CHRD: variants seen among roughly 807,000 people sequenced by gnomAD.
CHRD encodes chordin.
Under a neutral mutation model 113.7 loss-of-function variants are expected in CHRD, and 69 were observed. The ratio of observed to expected loss-of-function variants is 0.61; its 90% CI spans 0.50 to 0.74. The LOEUF (loss-of-function observed/expected upper bound fraction) is 0.74. Among genes scored for constraint, CHRD ranks in the 30% least tolerant of loss-of-function variants. The pLI, the probability that CHRD is intolerant of heterozygous loss-of-function variation, is 0.00. For missense variants in CHRD, 1,194 were observed against 1,295.8 expected (o/e 0.92, Z 1.21); for synonymous variants, 561 against 540.8 (o/e 1.04, Z -0.52).
Position 184,388,245 on chromosome 3 carries a change from A to ATCCATCCATCCATCCATCCATCCATCCG in CHRD, c.2554+239_2554+240insGTCCATCCATCCATCCATCCATCCATCC, listed in dbSNP as rs1716640794. On this transcript the variant is annotated intron_variant, in intron 20 of 22. Transcript: ENST00000204604. The surrounding 1 kb of genome is among the most constrained non-coding windows in gnomAD (Gnocchi z 6.1). ...TCCTGCTCCATCCATCCGTCCATCC[A>ATCCATCCATCCATCCATCCATCCATCCG]TCCATCCATCCATCCATCCATCCAT... Among the ~76,000 whole-genome samples the ATCCATCCATCCATCCATCCATCCATCCG allele has an allele frequency of 8.2e-6, 1 of 121,302 alleles. No individual in the cohort carries two copies. Among genetic ancestry groups the ATCCATCCATCCATCCATCCATCCATCCG allele is most frequent in the African/African-American group, 3.0e-5 (1 of 32,808 alleles). The allele number at this position is 121,302 out of a possible 152,430, so 79.6% of individuals were successfully genotyped here.
Position 184,380,696 on chromosome 3 carries a change from C to A in CHRD, c.153C>A (p.Cys51Ter). ...CAGCCAAGCCCGTCCCCGCAGGCTG[C>A]ACCTTCGGCGGGAAGGTCTATGCCT... The change falls in exon 2 of 23, where the codon TGC (cysteine) becomes TGA (stop). Residue 51 changes from cysteine to a stop codon, truncating the protein, a stop_gained. Coordinates refer to ENST00000204604, the Ensembl canonical transcript of CHRD. LOFTEE classifies it high-confidence loss of function. This position sits in a 1 kb window ranked among gnomAD's most constrained non-coding sequence, Gnocchi z 6.3. 1.3e-6 allele frequency: 2 copies of A among 1,585,846 alleles called. No individual in the cohort carries two copies. The highest frequency in any genetic ancestry group is 1.7e-6 in the Non-Finnish European group (2 of 1,172,374).
chr3:184,386,274 C>A, intron 15 of CHRD, 115 bp downstream of exon 15: 2 of 1,265,314 alleles, frequency 1.6e-6, no homozygotes, highest in Non-Finnish European at 2.2e-6. Flanking sequence ...GGTCGTATCA[C>A]AGCGCCCCCC....
chr3:184,381,653 G>C lies in CHRD; in HGVS notation c.511+29G>C, dbSNP rs1461381308. 6.2e-6 allele frequency: 10 copies of C among 1,604,848 alleles called. No individual in the cohort carries two copies. The highest frequency in any genetic ancestry group is 5.1e-5 in the Admixed American group (3 of 59,348). The stretch of plus-strand genomic sequence containing the variant: ...GGGGGCTGGCGAACAGCGGGGTTGT[G>C]GTTGAGGCTGGGCCACCAAAGCGGC... On this transcript the variant is annotated intron_variant, in intron 4 of 22. Transcript: ENST00000204604. The surrounding 1 kb of genome is among the most constrained non-coding windows in gnomAD (Gnocchi z 4.7).
Position 184,386,630 on chromosome 3 carries a change from G to A in CHRD, c.2071G>A (p.Ala691Thr), listed in dbSNP as rs758602549. 16 of 1,608,882 alleles carry A rather than the reference G, an allele frequency of 9.9e-6. No individual in the cohort carries two copies. Among genetic ancestry groups the A allele is most frequent in the East Asian group, 8.9e-5 (4 of 44,852 alleles). ...GCCTGGTCTCCCGGCCCTAGCGCCC[G>A]CCAAACCTGGTGGTCCTGGGCGGCC... Residue 691 changes from alanine (A) to threonine (T), a missense_variant, in exon 16 of 23, where the codon GCC (alanine) becomes ACC (threonine). By Grantham distance (58) the Ala-to-Thr change is moderately conservative (BLOSUM62 0). Coordinates refer to ENST00000204604, the Ensembl canonical transcript of CHRD.
At chr3:184,389,477 G>C in exon 23 of CHRD, 1 of 1,533,596 alleles carries the variant, frequency 6.5e-7, no homozygotes, top group Non-Finnish European at 9.0e-7. Context: ...TGGGGAAGGG[G>C]TGGCATCGAG....
Position 184,380,414 on chromosome 3 carries a change from C to G in CHRD, c.96C>G (p.Pro32=). 5.2e-6 allele frequency: 7 copies of G among 1,335,412 alleles called. No individual in the cohort carries two copies. Among genetic ancestry groups the G allele is most frequent in the South Asian group, 1.5e-5 (1 of 65,542 alleles). 82.7% of individuals were successfully genotyped at this position (1,335,412 alleles called of 1,614,324 possible). The change falls in exon 1 of 23, where the codon CCC becomes CCG. Residue 32 remains proline, a synonymous_variant. Transcript: ENST00000204604. The surrounding 1 kb of genome is among the most constrained non-coding windows in gnomAD (Gnocchi z 6.3). ...CCCGCGGCGCCGGCCCAGAGCCCCCCGTGCTGCCCATCCGTTCTGAGAAGG... is the reference window on the plus strand; with the variant it reads ...CCCGCGGCGCCGGCCCAGAGCCCCCGGTGCTGCCCATCCGTTCTGAGAAGG...
rs1251623870 is a variant in CHRD at position 184,380,322 on chromosome 3, C to T, written c.4C>T (p.Pro2Ser). The T allele has an allele frequency of 1.5e-6, 2 of 1,309,256 alleles. No homozygotes were observed. Among genetic ancestry groups the T allele is most frequent in the Non-Finnish European group, 9.8e-7 (1 of 1,016,312 alleles). The allele number at this position is 1,309,256 out of a possible 1,614,324, so 81.1% of individuals were successfully genotyped here. Reference sequence around the variant, plus strand: ...CCCCAGCTGTCCCGTTCGCGTCATGCCGAGCCTCCCGGCCCCGCCGGCCCC... The same window carrying T: ...CCCCAGCTGTCCCGTTCGCGTCATGTCGAGCCTCCCGGCCCCGCCGGCCCC... Residue 2 changes from proline (P) to serine (S), a missense_variant, in exon 1 of 23, where the codon CCG becomes TCG. Pro to Ser is a moderately conservative substitution (Grantham distance 74). Coordinates refer to ENST00000204604, the Ensembl canonical transcript of CHRD. This position sits in a 1 kb window ranked among gnomAD's most constrained non-coding sequence, Gnocchi z 6.3.
At chr3:184,383,078 G>C in exon 10 of CHRD, 1 of 1,611,228 alleles carries the variant, frequency 6.2e-7, no homozygotes, top group Non-Finnish European at 8.5e-7. Flanking sequence ...GGCTGGTGCT[G>C]GGGGAGCTGC....
chr3:184,385,614 C>T (rs556713183), intron 14 of CHRD, among the ~76,000 whole-genome samples: 20 of 134,928 alleles, frequency 1.5e-4, no homozygotes, highest in African/African-American at 5.7e-4. Context: ...TGCAGTGAGC[C>T]GAGATGGCGC....
rs1715159386 is a variant in CHRD at position 184,380,580 on chromosome 3, G to A, written c.149-112G>A. On this transcript the variant is annotated intron_variant, in intron 1 of 22. Transcript: ENST00000204604. This position sits in a 1 kb window ranked among gnomAD's most constrained non-coding sequence, Gnocchi z 6.3. ...CTCGGCGCGGCGGGCGGCCCGGAGG[G>A]TGGGCGGGGGCAGAAGGGCGCGGTG... is the stretch of plus-strand genomic sequence containing the variant. The A allele has an allele frequency of 1.9e-6, 2 of 1,043,598 alleles. No individual in the cohort carries two copies. Among genetic ancestry groups the A allele is most frequent in the Non-Finnish European group, 2.4e-6 (2 of 832,814 alleles). The allele number at this position is 1,043,598 out of a possible 1,614,324, so 64.6% of individuals were successfully genotyped here. A position where few individuals can be genotyped will look rare whatever the true frequency, so the allele number is the denominator to read the frequency against.
Position 184,381,136 on chromosome 3 carries a change from T to C in CHRD, c.253-99T>C. 1.5e-6 allele frequency: 2 copies of C among 1,361,406 alleles called. No homozygotes were observed. Among genetic ancestry groups the C allele is most frequent in the Non-Finnish European group, 2.1e-6 (2 of 956,596 alleles). 84.3% of individuals were successfully genotyped at this position (1,361,406 alleles called of 1,614,324 possible). On this transcript the variant is annotated intron_variant, in intron 2 of 22. Transcript: ENST00000204604. This position sits in a 1 kb window ranked among gnomAD's most constrained non-coding sequence, Gnocchi z 4.7. ...TGTCTAGGGTCACGCAGCTTGTAAGTGGCAGAGCTGGCTGACTCTGCGGGA... is the reference window on the plus strand; with the variant it reads ...TGTCTAGGGTCACGCAGCTTGTAAGCGGCAGAGCTGGCTGACTCTGCGGGA...
In CHRD at chr3:184,386,601, TG is replaced by T; in HGVS notation, c.2044del (p.Val682CysfsTer7). On this transcript the variant is annotated frameshift_variant, in exon 16 of 23. Coordinates refer to ENST00000204604, the Ensembl canonical transcript of CHRD. LOFTEE classifies it high-confidence loss of function. ...GATACAGCCTCTGCTGCGCCGCCTGTGGTGCCTGGTCTCCCGGCCCTAGCGC... is the reference window on the plus strand; with the variant it reads ...GATACAGCCTCTGCTGCGCCGCCTGTGTGCCTGGTCTCCCGGCCCTAGCGC... The T allele has an allele frequency of 6.2e-7, 1 of 1,603,226 alleles. No homozygotes were observed. Among genetic ancestry groups the T allele is most frequent in the Middle Eastern group, 1.7e-4 (1 of 5,802 alleles).
exon 23 of CHRD, chr3:184,389,450 G>A (rs1227501198): frequency 4.4e-6 from 7 of 1,607,518 alleles, no homozygotes; most frequent in Non-Finnish European, 5.1e-6. Context: ...AAGTGACCAA[G>A]AGGATGGGGC....
Position 184,380,727 on chromosome 3 carries a change from G to A in CHRD, c.184G>A (p.Glu62Lys), listed in dbSNP as rs1368257272. The change falls in exon 2 of 23, where the codon GAG becomes AAG. Residue 62 changes from glutamate to lysine, a missense_variant. Glu to Lys is a moderately conservative substitution (Grantham distance 56). Coordinates refer to ENST00000204604, the Ensembl canonical transcript of CHRD. This position sits in a 1 kb window ranked among gnomAD's most constrained non-coding sequence, Gnocchi z 6.3. ...CGGCGGGAAGGTCTATGCCTTGGAC[G>A]AGACGTGGCACCCGGACCTAGGGGA... The A allele has an allele frequency of 1.9e-6, 3 of 1,599,150 alleles. No individual in the cohort carries two copies. In the Admixed American group the frequency reaches 5.1e-5, roughly 27 times the overall value.
At position 184,380,493 on chromosome 3, in the gene CHRD, G is replaced by A; in HGVS notation, c.148+27G>A. On this transcript the variant is annotated intron_variant, in intron 1 of 22. Transcript: ENST00000204604. This position sits in a 1 kb window ranked among gnomAD's most constrained non-coding sequence, Gnocchi z 6.3. ...TAGGTGGGCGCCCGGGGGAGGCGCG[G>A]GCGGGGAGTCGGGCTCGGGGCGAGT... 8.6e-7 allele frequency: 1 copy of A among 1,165,726 alleles called. No individual in the cohort carries two copies. Among genetic ancestry groups the A allele is most frequent in the Non-Finnish European group, 1.1e-6 (1 of 942,890 alleles). 72.2% of individuals were successfully genotyped at this position (1,165,726 alleles called of 1,614,324 possible).
Position 184,381,523 on chromosome 3 carries a change from G to C in CHRD, c.410G>C (p.Ser137Thr). 1 of 1,602,248 alleles carries C rather than the reference G, an allele frequency of 6.2e-7. No individual in the cohort carries two copies. The highest frequency in any genetic ancestry group is 8.5e-7 in the Non-Finnish European group (1 of 1,174,834). Residue 137 changes from serine (S) to threonine (T), a missense_variant, in exon 4 of 23, where the codon AGC becomes ACC. Ser to Thr is a moderately conservative substitution (Grantham distance 58). Transcript: ENST00000204604. This position sits in a 1 kb window ranked among gnomAD's most constrained non-coding sequence, Gnocchi z 4.7. ...CGCAGCAGTTCGGAGCGGCAGCCGA[G>C]CGGCCTGTCCTTCGAGTATCCGCGG...
rs1182949117 is a variant in CHRD at position 184,380,387 on chromosome 3, G to T, written c.69G>T (p.Pro23=). 7.5e-7 allele frequency: 1 copy of T among 1,339,826 alleles called. No homozygotes were observed. The highest frequency in any genetic ancestry group is 9.7e-7 in the Non-Finnish European group (1 of 1,035,988). The allele number at this position is 1,339,826 out of a possible 1,614,324, so 83.0% of individuals were successfully genotyped here. The change falls in exon 1 of 23, where the codon CCG becomes CCT. Residue 23 remains proline, a synonymous_variant. Transcript: ENST00000204604. This position sits in a 1 kb window ranked among gnomAD's most constrained non-coding sequence, Gnocchi z 6.3. The stretch of plus-strand genomic sequence containing the variant: ...GGCTGCTGCTGCTCGGCTCCCGGCC[G>T]GCCCGCGGCGCCGGCCCAGAGCCCC...
Position 184,388,878 on chromosome 3 carries a change from T to C in CHRD, c.2710-15T>C, listed in dbSNP as rs775347392. On this transcript the variant is annotated splice_polypyrimidine_tract_variant and intron_variant, in intron 21 of 22. Coordinates refer to ENST00000204604, the Ensembl canonical transcript of CHRD. The surrounding 1 kb of genome is among the most constrained non-coding windows in gnomAD (Gnocchi z 6.1). ...CCTCTGGGGGACACTCAGTGTCTGC[T>C]CTGTCTTGTACCAGGCAGGGGTGCC... The C allele has an allele frequency of 1.1e-5, 17 of 1,610,904 alleles. No homozygotes were observed. In the Admixed American group the frequency reaches 2.8e-4, roughly 27 times the overall value.
chr3:184,381,192 G>T lies in CHRD; in HGVS notation c.253-43G>T, dbSNP rs1362474942. On this transcript the variant is annotated intron_variant, in intron 2 of 22. Coordinates refer to ENST00000204604, the Ensembl canonical transcript of CHRD. This position sits in a 1 kb window ranked among gnomAD's most constrained non-coding sequence, Gnocchi z 4.7. ...TTGCCTGGGGGGGTCTCATCAGTTGGCATCTTGCACTCACTTGGGTTTCCC... is the reference window on the plus strand; with the variant it reads ...TTGCCTGGGGGGGTCTCATCAGTTGTCATCTTGCACTCACTTGGGTTTCCC... 1 of 1,610,630 alleles carries T rather than the reference G, an allele frequency of 6.2e-7. No homozygotes were observed. The highest frequency in any genetic ancestry group is 1.3e-5 in the African/African-American group (1 of 74,888).
Sources: allele counts gnomAD v4.1 joint callset (sites outside exome capture counted in the v4.1 genomes callset), GRCh38; gene constraint gnomAD v4.1.1; non-coding constraint Gnocchi (gnomAD v3.1); transcripts MANE v1.5; gene names NCBI Gene and HGNC (gene_info 2026-07-23, HGNC 2026-07-21).